LATS2: variants seen among roughly 807,000 people sequenced by gnomAD.
LATS2 encodes large tumor suppressor kinase 2.
LATS2 carries 24 observed loss-of-function variants against 76.0 expected under a neutral mutation model. The ratio of observed to expected loss-of-function variants is 0.32; its 90% confidence interval spans 0.23 to 0.44. The LOEUF (loss-of-function observed/expected upper bound fraction) is 0.44. LATS2 is among the 20% of genes least tolerant of loss of function. The pLI, the probability that LATS2 is intolerant of heterozygous loss-of-function variation, is 1.00. For missense variants in LATS2, 1,286 were observed against 1,481.2 expected (o/e 0.87, Z 2.16); for synonymous variants, 692 against 635.4 (o/e 1.09, Z -1.34).
chr13:21,043,413 G>T (rs7335617), intron 2 of LATS2, among the ~76,000 whole-genome samples: 121,832 of 152,104 alleles, frequency 0.8, 49,476 homozygotes, highest in South Asian at 0.91. Context: ...CTAAAGGTAC[G>T]GTTATCTTTT....
In LATS2 at chr13:20,988,225, G is replaced by C; in HGVS notation, c.1555C>G (p.Pro519Ala). The C allele has an allele frequency of 4.4e-6, 7 of 1,608,318 alleles. No individual in the cohort carries two copies. The highest frequency in any genetic ancestry group is 5.1e-6 in the Non-Finnish European group (6 of 1,179,376). ...PDRRCPPPPY[P>A]KHLLLRSKSE... is the part of the protein sequence containing the mutation. ...TTGCTGCGCAGCAGCAGGTGCTTCG[G>C]GTAGGGCGGAGGCGGGCACCTCCGG... Residue 519 changes from proline to alanine, a missense_variant, in exon 4 of 8, where the codon CCG (proline) becomes GCG (alanine). Coordinates refer to ENST00000382592, the MANE Select transcript of LATS2 (RefSeq NM_014572.3).
chr13:21,032,147 T>A (rs1036231366), intron 2 of LATS2, among the ~76,000 whole-genome samples: 11 of 152,234 alleles, frequency 7.2e-5, no homozygotes, highest in African/African-American at 2.7e-4. Flanking sequence ...TGATAATACG[T>A]TGCAGCAACA....
At chr13:20,998,662 C>T (rs1565949053) in intron 2 of LATS2, among the ~76,000 whole-genome samples, 1 of 152,234 alleles carries the variant, frequency 6.6e-6, no homozygotes, top group African/African-American at 2.4e-5. Flanking sequence ...CTCTAACCGC[C>T]CCACCATTGC....
chr13:20,992,305 G>A (rs541112633), intron 2 of LATS2, among the ~76,000 whole-genome samples: 1 of 152,204 alleles, frequency 6.6e-6, no homozygotes, highest in East Asian at 1.9e-4. Flanking sequence ...CCAGGGTTTT[G>A]CTCCTGTCTG....
chr13:21,036,314 G>A (rs1340101287), intron 2 of LATS2, among the ~76,000 whole-genome samples: 1 of 152,088 alleles, frequency 6.6e-6, no homozygotes, highest in African/African-American at 2.4e-5. Context: ...TTACAGGTGT[G>A]AGCCACTGTG....
intron 2 of LATS2, among the ~76,000 whole-genome samples, chr13:21,004,472 A>G (rs1185969647): frequency 6.6e-6 from 1 of 152,054 alleles, no homozygotes; most frequent in Non-Finnish European, 1.5e-5. Flanking sequence ...GCAAGGGAGA[A>G]TCAAATTTTA....
rs1192119841 is a variant in LATS2 at position 21,007,573 on chromosome 13, A to AC, written c.343-16170_343-16169insG. Among the ~76,000 whole-genome samples, 139 of 19,106 alleles carry AC rather than the reference A, an allele frequency of 7.3e-3. 46 individuals are homozygous for AC. The highest frequency in any genetic ancestry group is 0.029 in the African/African-American group (51 of 1,750). 12.5% of individuals were successfully genotyped at this position (19,106 alleles called of 152,430 possible). On this transcript the variant is annotated intron_variant, in intron 2 of 7. Coordinates refer to ENST00000382592, the MANE Select transcript of LATS2 (RefSeq NM_014572.3). Reference sequence around the variant, plus strand: ...TATATATATATATATATATATATATATATATATATATATAGTATATATATA... The same window carrying AC: ...TATATATATATATATATATATATATACTATATATATATATAGTATATATATA...
chr13:20,989,264 G>A lies in LATS2; in HGVS notation c.516C>T (p.Ser172=), dbSNP rs768297258. ...CAAACGAATCGCCGGTTCCTTCGAA[G>A]CTGGGCCTCCGCGTCACTGGGGTTG... ...LMPTPVTRRP[S]FEGTGDSFAS... The change falls in exon 4 of 8, where the codon AGC becomes AGT. Residue 172 remains serine (S), a synonymous_variant. Coordinates refer to ENST00000382592, the MANE Select transcript of LATS2 (RefSeq NM_014572.3). 3.1e-6 allele frequency: 5 copies of A among 1,613,900 alleles called. No individual in the cohort carries two copies. The highest frequency in any genetic ancestry group is 4.2e-6 in the Non-Finnish European group (5 of 1,180,040).
intron 2 of LATS2, among the ~76,000 whole-genome samples, chr13:21,003,834 A>T (rs950377755): frequency 1.3e-5 from 2 of 152,134 alleles, no homozygotes; most frequent in Non-Finnish European, 2.9e-5. Flanking sequence ...TCAGCCTCCC[A>T]AAGTGCTGGG....
At chr13:21,035,724 C>G (rs950575573) in intron 2 of LATS2, among the ~76,000 whole-genome samples, 1 of 152,204 alleles carries the variant, frequency 6.6e-6, no homozygotes, top group Non-Finnish European at 1.5e-5. Flanking sequence ...CTGTACTGCA[C>G]ACTGGGATAG....
At chr13:20,983,834 G>T in intron 4 of LATS2, 28 bp from the exon 5 acceptor site, 1 of 1,558,190 alleles carries the variant, frequency 6.4e-7, no homozygotes, top group Non-Finnish European at 8.7e-7. Context: ...GAAGGAGGAA[G>T]AATCACATTA....
At chr13:20,984,918 A>C (rs1029739571) in intron 4 of LATS2, among the ~76,000 whole-genome samples, 1 of 152,228 alleles carries the variant, frequency 6.6e-6, no homozygotes, top group Non-Finnish European at 1.5e-5. Flanking sequence ...ACAAGCCTAG[A>C]GTAACTGAAA....
In LATS2 at chr13:21,007,630, A is replaced by ATATATATATAGTGTG. The variant is rs1871357042; in HGVS notation, c.343-16227_343-16226insCACACTATATATATA. 4.8e-3 allele frequency among the ~76,000 whole-genome samples: 3 copies of ATATATATATAGTGTG among 620 alleles called. 1 individual carries two copies. The highest frequency in any genetic ancestry group is 6.1e-3 in the African/African-American group (3 of 488). 0.4% of individuals were successfully genotyped at this position (620 alleles called of 152,430 possible). A position where few individuals can be genotyped will look rare whatever the true frequency, so the allele number is the denominator to read the frequency against. ...GTGTATATATATATATAGTGTATAT[A>ATATATATATAGTGTG]TATATATATATATAGTGTGTGTATA... On this transcript the variant is annotated intron_variant, in intron 2 of 7. Transcript: ENST00000382592.
At chr13:21,015,937 G>A (rs1468716089) in intron 2 of LATS2, among the ~76,000 whole-genome samples, 1 of 151,680 alleles carries the variant, frequency 6.6e-6, no homozygotes, top group Non-Finnish European at 1.5e-5. Flanking sequence ...GACCTCAGGT[G>A]ATTTGCCCAC....
intron 2 of LATS2, among the ~76,000 whole-genome samples, chr13:21,013,132 C>A (rs1466546432): frequency 3.9e-5 from 6 of 152,132 alleles, no homozygotes. Flanking sequence ...GGGCATGCCA[C>A]CCTGGTGCTG....
Position 20,974,891 on chromosome 13 carries a change from G to T in LATS2, c.3246C>A (p.Gly1082=). ...CCATCTACACGTACACAGGCTGGCA[G>T]CCTTCAGTCTGATCCACCAGATCAG... ...ESSDLVDQTE[G]CQPVYV is the part of the protein sequence containing the mutation. The change falls in exon 8 of 8, where the codon GGC becomes GGA. Residue 1082 remains glycine, a synonymous_variant. Transcript: ENST00000382592. The T allele has an allele frequency of 6.2e-7, 1 of 1,613,172 alleles. No homozygotes were observed. The highest frequency in any genetic ancestry group is 8.5e-7 in the Non-Finnish European group (1 of 1,179,620).
At chr13:21,044,477 C>T (rs148156960) in intron 2 of LATS2, among the ~76,000 whole-genome samples, 36 of 152,306 alleles carry the variant, frequency 2.4e-4, no homozygotes, top group Middle Eastern at 3.4e-3. Flanking sequence ...CTTCATGCAA[C>T]TGTAATTTTT....
intron 2 of LATS2, among the ~76,000 whole-genome samples, chr13:21,038,039 G>A (rs1232634639): frequency 2.0e-5 from 3 of 152,178 alleles, no homozygotes; most frequent in South Asian, 2.1e-4. Flanking sequence ...CCAGGAGGTC[G>A]AGGCTGCAGT....
chr13:20,979,800 G>T lies in LATS2; in HGVS notation c.2666-3C>A. On this transcript the variant is annotated splice_region_variant and splice_polypyrimidine_tract_variant and intron_variant, in intron 6 of 7. Transcript: ENST00000382592. ...CCAGTCACAGAGTTGAGTGTACCCT[G>T]CAAGACAAAGTTCACTCAATCCCTA... 1 of 1,554,942 alleles carries T rather than the reference G, an allele frequency of 6.4e-7. No individual in the cohort carries two copies. Among genetic ancestry groups the T allele is most frequent in the Non-Finnish European group, 8.9e-7 (1 of 1,127,820 alleles).
Sources: allele counts gnomAD v4.1 joint callset (sites outside exome capture counted in the v4.1 genomes callset), GRCh38; gene constraint gnomAD v4.1.1; transcripts MANE v1.5; gene names NCBI Gene and HGNC (gene_info 2026-07-23, HGNC 2026-07-21).